HIBCH: variants seen among roughly 807,000 people sequenced by gnomAD.
The protein encoded by HIBCH is 3-hydroxyisobutyryl-CoA hydrolase, mitochondrial.
HIBCH carries 50 observed loss-of-function variants against 58.2 expected under a neutral mutation model. That is an observed-to-expected ratio of 0.86 (90% confidence interval 0.68 to 1.09). The LOEUF (loss-of-function observed/expected upper bound fraction) is 1.09, where lower values mean the gene tolerates loss of function less well. Ranked by LOEUF, HIBCH falls within the 50% of genes least tolerant of loss-of-function variation. HIBCH has a pLI of 0.00. For missense variants in HIBCH, 450 were observed against 449.7 expected, an observed-to-expected ratio of 1.00 and a Z score of -0.01; for synonymous variants, 151 against 146.9, an observed-to-expected ratio of 1.03 and a Z score of -0.20.
rs558681584 is a variant in HIBCH, at chr2:190,211,194, T to C, written c.1011+1762A>G. Among the ~76,000 whole-genome samples the C allele has an allele frequency of 3.3e-5, 5 of 152,166 alleles. No individual in the cohort carries two copies. The highest frequency in any genetic ancestry group is 7.4e-5 in the Non-Finnish European group (5 of 68,020). ...ATAGTAAGCACTCTTGTTTAGTAAA[T>C]AACGAATCCCCAAGGTTTTCTTAAT... On this transcript the variant is annotated intron_variant, in intron 12 of 13. Transcript: ENST00000359678. This position sits in a 1 kb window ranked among gnomAD's most constrained non-coding sequence, Gnocchi z 5.0.
chr2:190,248,932 A>C (rs1686687455), intron 9 of HIBCH, among the ~76,000 whole-genome samples: 1 of 151,952 alleles, frequency 6.6e-6, no homozygotes, highest in African/African-American at 2.4e-5. Flanking sequence ...TCTACACCCT[A>C]GTCTTCAGAG....
At chr2:190,256,456 A>AAAAC (rs1686927245) in intron 7 of HIBCH, among the ~76,000 whole-genome samples, 13 of 150,926 alleles carry the variant, frequency 8.6e-5, no homozygotes, top group African/African-American at 2.9e-4. Flanking sequence ...AAAAAAAAAA[A>AAAAC]AATAATAATA....
intron 13 of HIBCH, among the ~76,000 whole-genome samples, chr2:190,205,474 A>G (rs1553493036): frequency 6.6e-6 from 1 of 152,162 alleles, no homozygotes; most frequent in Non-Finnish European, 1.5e-5. Context: ...CTTAGCTTTA[A>G]TAAAGCCTAC....
chr2:190,312,185 G>A (rs1441461048), intron 1 of HIBCH, among the ~76,000 whole-genome samples: 1 of 152,158 alleles, frequency 6.6e-6, no homozygotes, highest in Non-Finnish European at 1.5e-5. Context: ...CCAGGTGCTG[G>A]TGATTTAGGT....
At chr2:190,296,702 A>G (rs1688111127) in intron 3 of HIBCH, 111 bp downstream of exon 3, 1 of 978,488 alleles carries the variant, frequency 1.0e-6, no homozygotes, top group Non-Finnish European at 1.6e-6. Flanking sequence ...GGGCTTACTT[A>G]GATGCATATC....
In HIBCH at chr2:190,310,735, A is replaced by G. The variant is rs923901342; in HGVS notation, c.78+19T>C. 3.1e-6 allele frequency: 5 copies of G among 1,592,604 alleles called. No homozygotes were observed. Among genetic ancestry groups the G allele is most frequent in the Non-Finnish European group, 4.3e-6 (5 of 1,160,496 alleles). On this transcript the variant is annotated intron_variant, in intron 2 of 13. Coordinates refer to ENST00000359678, the MANE Select transcript of HIBCH (RefSeq NM_014362.4). ...TTACACATACAAATAATGCCAGCAA[A>G]ACAAACACAATAACTTACCAAATGG...
chr2:190,312,647 T>A (rs974145040), intron 1 of HIBCH, among the ~76,000 whole-genome samples: 3 of 152,246 alleles, frequency 2.0e-5, no homozygotes, highest in Non-Finnish European at 4.4e-5. Context: ...ATGACTTTTT[T>A]ATATTACATT....
At chr2:190,302,188 AAC>A (rs921000757) in intron 2 of HIBCH, among the ~76,000 whole-genome samples, 1 of 152,244 alleles carries the variant, frequency 6.6e-6, no homozygotes, top group African/African-American at 2.4e-5. Flanking sequence ...CAGGCTGGGA[AAC>A]ACAGCCTCTG....
intron 6 of HIBCH, among the ~76,000 whole-genome samples, chr2:190,269,516 C>T (rs1355961810): frequency 6.6e-6 from 1 of 152,086 alleles, no homozygotes; most frequent in East Asian, 1.9e-4. Flanking sequence ...ATCAAAACCA[C>T]AATGAGATAC....
At chr2:190,191,453 A>T (rs1023835572) in intron 1 of HIBCH, among the ~76,000 whole-genome samples, 2 of 152,080 alleles carry the variant, frequency 1.3e-5, no homozygotes, top group African/African-American at 4.8e-5. Context: ...CCAGCATACA[A>T]TTTTTTTATG....
chr2:190,284,563 T>C (rs998780022), intron 6 of HIBCH, among the ~76,000 whole-genome samples: 7 of 152,314 alleles, frequency 4.6e-5, no homozygotes, highest in Non-Finnish European at 8.8e-5. Context: ...AATATTTTTA[T>C]TTTATATTTA....
intron 11 of HIBCH, among the ~76,000 whole-genome samples, chr2:190,218,569 AC>A (rs1685625544): frequency 6.6e-6 from 1 of 152,082 alleles, no homozygotes; most frequent in South Asian, 2.1e-4. Flanking sequence ...TAAGACACTA[AC>A]TTTAAGGCAA....
intron 10 of HIBCH, among the ~76,000 whole-genome samples, 171 bp from the exon 11 acceptor site, chr2:190,245,139 T>C (rs979186292): frequency 6.6e-6 from 1 of 152,186 alleles, no homozygotes; most frequent in African/African-American, 2.4e-5. Flanking sequence ...TGGGTAAGCA[T>C]TTGCCGTCTA....
intron 1 of HIBCH, among the ~76,000 whole-genome samples, chr2:190,311,763 A>C (rs1688564157): frequency 6.6e-6 from 1 of 152,244 alleles, no homozygotes; most frequent in African/African-American, 2.4e-5. Context: ...GCCATTACAC[A>C]ACCACTAAAA....
At chr2:190,277,734 A>ATT (rs1457009358) in intron 6 of HIBCH, among the ~76,000 whole-genome samples, 20 of 152,314 alleles carry the variant, frequency 1.3e-4, no homozygotes, top group Non-Finnish European at 2.4e-4. Flanking sequence ...TGATCAGACC[A>ATT]CACCCACAGA....
At chr2:190,297,271 A>G (rs1688129155) in intron 2 of HIBCH, among the ~76,000 whole-genome samples, 1 of 152,222 alleles carries the variant, frequency 6.6e-6, no homozygotes, top group Non-Finnish European at 1.5e-5. Context: ...ATCAAGTTCT[A>G]TGTTACATAC....
intron 11 of HIBCH, among the ~76,000 whole-genome samples, chr2:190,239,481 T>G (rs1170100151): frequency 6.6e-6 from 1 of 152,076 alleles, no homozygotes; most frequent in African/African-American, 2.4e-5. Flanking sequence ...AATTGTTTTT[T>G]CTAGATCTGT....
chr2:190,221,602 C>T (rs957911962), intron 11 of HIBCH, among the ~76,000 whole-genome samples: 1 of 152,186 alleles, frequency 6.6e-6, no homozygotes, highest in Non-Finnish European at 1.5e-5. Flanking sequence ...CACCCTCAAG[C>T]GTGAAACCAC....
downstream of HIBCH, chr2:190,200,128 A>AT: frequency 1.2e-6 from 2 of 1,613,922 alleles, no homozygotes; most frequent in East Asian, 2.2e-5. Context: ...CATTCCATAC[A>AT]TTGAGAGTGA....
Sources: allele counts gnomAD v4.1 joint callset (sites outside exome capture counted in the v4.1 genomes callset), GRCh38; gene constraint gnomAD v4.1.1; non-coding constraint Gnocchi (gnomAD v3.1); transcripts MANE v1.5; gene names NCBI Gene and HGNC (gene_info 2026-07-23, HGNC 2026-07-21).